The following IL7 variants were observed in gnomAD, a reference collection of about 807,000 sequenced individuals.
The protein encoded by IL7 is interleukin 7.
A neutral mutation model predicts 21.6 loss-of-function variants in IL7; 3 were observed. The observed-to-expected ratio is 0.14, with a 90% CI of 0.06 to 0.36. The LOEUF (loss-of-function observed/expected upper bound fraction) is 0.36. Ranked by LOEUF, IL7 falls within the 10% of genes least tolerant of loss-of-function variation. The pLI, the probability that IL7 is intolerant of heterozygous loss-of-function variation, is 1.00. For missense variants in IL7, 175 were observed against 200.2 expected, an observed-to-expected ratio of 0.87 and a Z score of 0.76; for synonymous variants, 62 against 68.1, an observed-to-expected ratio of 0.91 and a Z score of 0.44.
chr8:78,748,652 G>T (rs1470076847), intron 2 of IL7, among the ~76,000 whole-genome samples: 1 of 152,132 alleles, frequency 6.6e-6, no homozygotes, highest in Non-Finnish European at 1.5e-5. Context: ...TATGTGTTAG[G>T]TTTTAAACAG....
At chr8:78,717,293 A>G, downstream of IL7, 1 of 1,589,952 alleles carries the variant, frequency 6.3e-7, no homozygotes. Context: ...TACTGATACA[A>G]ACTTTATCTT....
At chr8:78,698,957 A>T (rs1810516946) in intron 3 of IL7, among the ~76,000 whole-genome samples, 2 of 152,174 alleles carry the variant, frequency 1.3e-5, no homozygotes, top group Admixed American at 6.5e-5. Flanking sequence ...CGCAATATAT[A>T]AATTGGGATA....
In IL7 at chr8:78,773,453, C is replaced by G. The variant is rs374752484; in HGVS notation, c.147+24619G>C. ...TTTGGGTGCGGGAAGATTTGTGGAG[C>G]AAGACAGGGGAAGTAGAAAATTCCA... On this transcript the variant is annotated intron_variant, in intron 2 of 5. Transcript: ENST00000263851. 1.9e-4 allele frequency among the ~76,000 whole-genome samples: 29 copies of G among 152,062 alleles called. No homozygotes were observed. The South Asian group carries it at 5.2e-3, about 27-fold the overall frequency.
At chr8:78,790,861 T>G (rs79961280) in intron 2 of IL7, among the ~76,000 whole-genome samples, 4,565 of 152,086 alleles carry the variant, frequency 0.03, 101 homozygotes, top group Non-Finnish European at 0.048. Context: ...ACAAGCATTT[T>G]TAAACATTAT....
At chr8:78,710,115 T>G (rs1481638985) in intron 3 of IL7, among the ~76,000 whole-genome samples, 1 of 152,202 alleles carries the variant, frequency 6.6e-6, no homozygotes, top group Non-Finnish European at 1.5e-5. Flanking sequence ...GCTATGAGTA[T>G]TTTGAAGGCC....
intron 2 of IL7, among the ~76,000 whole-genome samples, chr8:78,775,222 C>G (rs770640302): frequency 5.9e-5 from 9 of 152,020 alleles, no homozygotes; most frequent in Non-Finnish European, 1.2e-4. Flanking sequence ...CTATATGATT[C>G]AACAATTGGC....
intron 3 of IL7, among the ~76,000 whole-genome samples, chr8:78,706,118 C>T (rs1810764175): frequency 1.3e-5 from 2 of 152,084 alleles, no homozygotes. Flanking sequence ...ACAGCTGAGT[C>T]ACCCAAACAG....
chr8:78,802,429 T>A (rs574340535), intron 1 of IL7, among the ~76,000 whole-genome samples: 11 of 150,328 alleles, frequency 7.3e-5, no homozygotes, highest in African/African-American at 2.7e-4. Context: ...CGTATTTTTC[T>A]CTCTCTTTTT....
At position 78,756,602 on chromosome 8, in the gene IL7, G is replaced by A. The variant is rs1327663886; in HGVS notation, c.148-16520C>T. On this transcript the variant is annotated intron_variant, in intron 2 of 5. Coordinates refer to ENST00000263851, the MANE Select transcript of IL7 (RefSeq NM_000880.4). ...CCGCTAGGTTTTCCAATTTGTTAGTGTATAGTTGCTCAAAATAATCTCTGA... is the reference window on the plus strand; with the variant it reads ...CCGCTAGGTTTTCCAATTTGTTAGTATATAGTTGCTCAAAATAATCTCTGA... Among the ~76,000 whole-genome samples the A allele has an allele frequency of 2.6e-5, 4 of 151,812 alleles. No homozygotes were observed. In the East Asian group the frequency reaches 5.8e-4, roughly 22 times the overall value.
At chr8:78,695,483 T>C (rs1810370393) in intron 3 of IL7, among the ~76,000 whole-genome samples, 1 of 152,204 alleles carries the variant, frequency 6.6e-6, no homozygotes, top group African/African-American at 2.4e-5. Context: ...TGCTAATCAT[T>C]TTGCTCTTTT....
At chr8:78,681,604 T>G (rs1482171749) in intron 4 of IL7, among the ~76,000 whole-genome samples, 1 of 152,152 alleles carries the variant, frequency 6.6e-6, no homozygotes, top group Admixed American at 6.5e-5. Context: ...CTGAAAGAGT[T>G]TGTGTAATAT....
At chr8:78,691,515 A>T (rs1810211009) in intron 3 of IL7, among the ~76,000 whole-genome samples, 1 of 151,980 alleles carries the variant, frequency 6.6e-6, no homozygotes, top group African/African-American at 2.4e-5. Flanking sequence ...TTCTTTTTTT[A>T]AAATCAAATC....
At chr8:78,790,921 C>CA (rs35799851) in intron 2 of IL7, among the ~76,000 whole-genome samples, 4,305 of 138,842 alleles carry the variant, frequency 0.031, 75 homozygotes, top group Non-Finnish European at 0.045. Flanking sequence ...AAAACAATCT[C>CA]AAAAAAAAAA....
rs552136278 is a variant in IL7 at position 78,692,727 on chromosome 8, TG to T, written n.215-6781del. On this transcript the variant is annotated intron_variant and non_coding_transcript_variant, in intron 3 of 4. Transcript: ENST00000523959. ...CCCCTCCAACATTGAGCTTCTAATT[TG>T]TTTTTTTTATTATTAGTAGTATACT... 5.9e-5 allele frequency among the ~76,000 whole-genome samples: 9 copies of T among 152,216 alleles called. No homozygotes were observed. In the East Asian group the frequency reaches 7.7e-4, roughly 13 times the overall value.
chr8:78,716,761 C>A (rs62518988), downstream of IL7, among the ~76,000 whole-genome samples: 7,774 of 152,174 alleles, frequency 0.051, 279 homozygotes, highest in Middle Eastern at 0.082. Flanking sequence ...CAAATTGTAA[C>A]CCTCAACGTT....
chr8:78,805,142 C>T lies in IL7; in HGVS notation c.-220G>A. 1 of 506,766 alleles carries T rather than the reference C, an allele frequency of 2.0e-6. No individual in the cohort carries two copies. The allele number at this position is 506,766 out of a possible 1,614,324, so 31.4% of individuals were successfully genotyped here. On this transcript the variant is annotated 5_prime_UTR_variant, in exon 1 of 6. Coordinates refer to ENST00000263851, the MANE Select transcript of IL7 (RefSeq NM_000880.4). ...CACTACGGCGTGGCTCTGCGCTTTGCCTTTTCCATAACTTCCGTAGGATCC... is the reference window on the plus strand; with the variant it reads ...CACTACGGCGTGGCTCTGCGCTTTGTCTTTTCCATAACTTCCGTAGGATCC...
chr8:78,758,417 T>A (rs1207115037), intron 2 of IL7, among the ~76,000 whole-genome samples: 1 of 152,122 alleles, frequency 6.6e-6, no homozygotes, highest in Non-Finnish European at 1.5e-5. Context: ...TCTTTCTTGC[T>A]TTCATTAGTG....
At chr8:78,759,784 C>T (rs1448548336) in intron 2 of IL7, among the ~76,000 whole-genome samples, 5 of 152,108 alleles carry the variant, frequency 3.3e-5, no homozygotes, top group Non-Finnish European at 1.5e-5. Context: ...ATTCCTTCCT[C>T]CCACACCTCT....
At position 78,762,351 on chromosome 8, in the gene IL7, G is replaced by T. The variant is rs1812594156; in HGVS notation, c.148-22269C>A. 2.5e-6 allele frequency: 4 copies of T among 1,612,488 alleles called. No individual in the cohort carries two copies. The Admixed American group carries it at 5.0e-5, about 20-fold the overall frequency. The stretch of plus-strand genomic sequence containing the variant: ...CACTTCTGGCATCTGGCAGGGTCCC[G>T]CGGGAAGCTGAAGAAGGCCAAGTCA... On this transcript the variant is annotated intron_variant, in intron 2 of 5. Coordinates refer to ENST00000263851, the MANE Select transcript of IL7 (RefSeq NM_000880.4).
Sources: gnomAD v4.1 joint callset for allele counts (sites outside exome capture counted in the v4.1 genomes callset) on GRCh38, gnomAD v4.1.1 for gene constraint, MANE v1.5 for transcripts, NCBI Gene and HGNC (gene_info 2026-07-23, HGNC 2026-07-21) for gene names.